FAM124A: variants seen among roughly 807,000 people sequenced by gnomAD.
FAM124A encodes protein FAM124A.
In FAM124A, 23 loss-of-function variants were observed where a neutral mutation model predicts 24.5. That is an observed-to-expected ratio of 0.94 (90% CI 0.68 to 1.33). The LOEUF is 1.33. FAM124A is among the 40% of genes most tolerant of loss of function. FAM124A has a pLI of 0.00. For synonymous variants in FAM124A, 287 were observed against 314.7 expected, an observed-to-expected ratio of 0.91 and a Z score of 0.93; for missense variants, 623 against 722.8, an observed-to-expected ratio of 0.86 and a Z score of 1.58.
intron 1 of FAM124A, 143 bp downstream of exon 1, chr13:51,222,712 T>A: frequency 1.2e-6 from 1 of 848,212 alleles, no homozygotes; most frequent in Non-Finnish European, 1.5e-6. Context: ...CGCTCTCTCC[T>A]GGGCGGGCCG....
chr13:51,270,158 C>G (rs9634837), intron 3 of FAM124A, among the ~76,000 whole-genome samples: 3,496 of 152,278 alleles, frequency 0.023, 135 homozygotes, highest in East Asian at 0.17. Flanking sequence ...ACCCCAGACC[C>G]AGATCATCCT....
At chr13:51,222,711 C>A (rs2137635553) in intron 1 of FAM124A, 142 bp downstream of exon 1, 2 of 861,254 alleles carry the variant, frequency 2.3e-6, no homozygotes, top group Non-Finnish European at 3.0e-6. Flanking sequence ...CCGCTCTCTC[C>A]TGGGCGGGCC....
chr13:51,222,509 C>A lies in FAM124A; in HGVS notation c.8C>A (p.Pro3Gln), dbSNP rs1334581765. 2 of 1,225,800 alleles carry A rather than the reference C, an allele frequency of 1.6e-6. No homozygotes were observed. Among genetic ancestry groups the A allele is most frequent in the Non-Finnish European group, 2.0e-6 (2 of 985,628 alleles). The allele number at this position is 1,225,800 out of a possible 1,614,324, so 75.9% of individuals were successfully genotyped here. The part of the protein sequence containing the change: MD[P>Q]KAGGGGEEDD... ...GCGGCCGGGACGTGCACCATGGACC[C>A]AAAGGCGGGCGGCGGCGGCGAGGAG... The change falls in exon 1 of 4, where the codon CCA becomes CAA. Residue 3 changes from proline to glutamine, a missense_variant. By Grantham distance (76) the Pro-to-Gln change is moderately conservative. Transcript: ENST00000322475.
intron 2 of FAM124A, among the ~76,000 whole-genome samples, chr13:51,246,327 A>C (rs1364910666): frequency 7.1e-6 from 1 of 141,838 alleles, no homozygotes; most frequent in Non-Finnish European, 1.5e-5. Context: ...GTGGCAATTA[A>C]TTATTCACAT....
chr13:51,240,479 A>G (rs1954479169), intron 2 of FAM124A, among the ~76,000 whole-genome samples: 1 of 152,218 alleles, frequency 6.6e-6, no homozygotes, highest in Non-Finnish European at 1.5e-5. Context: ...TTTGTCAATT[A>G]TGGAGATAAT....
intron 3 of FAM124A, 131 bp downstream of exon 3, chr13:51,252,332 T>G: frequency 5.4e-6 from 7 of 1,304,718 alleles, no homozygotes; most frequent in Non-Finnish European, 7.2e-6. Context: ...GCCCAGCTCC[T>G]AGTCGAAGTC....
intron 2 of FAM124A, among the ~76,000 whole-genome samples, chr13:51,246,968 C>T (rs1187920333): frequency 1.3e-5 from 2 of 152,220 alleles, no homozygotes; most frequent in Non-Finnish European, 2.9e-5. Context: ...CTTGTGCACC[C>T]ACCTGTGGTG....
chr13:51,243,673 A>G (rs1954525786), intron 2 of FAM124A, among the ~76,000 whole-genome samples: 1 of 152,144 alleles, frequency 6.6e-6, no homozygotes, highest in Non-Finnish European at 1.5e-5. Context: ...ATCTGGGACT[A>G]CAGGCGCCCG....
chr13:51,254,678 C>A (rs2137683181), intron 3 of FAM124A, among the ~76,000 whole-genome samples: 1 of 152,170 alleles, frequency 6.6e-6, no homozygotes, highest in East Asian at 1.9e-4. Flanking sequence ...CCTGGTGACC[C>A]CTGGAAGAAT....
In FAM124A at chr13:51,243,504, T is replaced by G. The variant is rs558554572; in HGVS notation, c.101-7964T>G. 2.0e-5 allele frequency among the ~76,000 whole-genome samples: 3 copies of G among 152,264 alleles called. No individual in the cohort carries two copies. In the South Asian group the frequency reaches 6.2e-4, roughly 32 times the overall value. On this transcript the variant is annotated intron_variant, in intron 2 of 3. Transcript: ENST00000322475. Reference sequence around the variant, plus strand: ...CGTCACCCAGAGCCTTTTTCCCTCCTGCTTTCAGACCTGGTTGTTGGTTTT... The same window carrying G: ...CGTCACCCAGAGCCTTTTTCCCTCCGGCTTTCAGACCTGGTTGTTGGTTTT...
At chr13:51,252,267 ACTATAGTAC>A in intron 3 of FAM124A, 66 bp downstream of exon 3, 1 of 1,549,854 alleles carries the variant, frequency 6.5e-7, no homozygotes, top group African/African-American at 1.4e-5. Context: ...TGCCTCAAAC[ACTATAGTAC>A]CAGTCACAGA....
chr13:51,231,454 G>T, intron 2 of FAM124A, 75 bp downstream of exon 2: 1 of 1,468,758 alleles, frequency 6.8e-7, no homozygotes, highest in South Asian at 1.3e-5. Flanking sequence ...GGCCATGTGT[G>T]TACATGGTTT....
Position 51,280,771 on chromosome 13 carries a change from G to C in FAM124A, c.1156G>C (p.Gly386Arg). 6.2e-7 allele frequency: 1 copy of C among 1,614,222 alleles called. No individual in the cohort carries two copies. The highest frequency in any genetic ancestry group is 8.5e-7 in the Non-Finnish European group (1 of 1,180,038). Reference sequence around the variant, plus strand: ...TGAACCACAGTGGTTTTCAAACACAGGTGCCCCAGGGCACAGGGCATCAGA... The same window carrying C: ...TGAACCACAGTGGTTTTCAAACACACGTGCCCCAGGGCACAGGGCATCAGA... ...SAEPQWFSNTGAPGHRASEWR... is the reference protein window; with the variant it reads ...SAEPQWFSNTRAPGHRASEWR... Residue 386 changes from glycine to arginine, a missense_variant, in exon 4 of 4, where the codon GGT (glycine) becomes CGT (arginine). By Grantham distance (125) the Gly-to-Arg change is moderately radical (BLOSUM62 -2). Transcript: ENST00000322475.
chr13:51,259,149 G>A (rs1954705925), intron 3 of FAM124A, among the ~76,000 whole-genome samples: 1 of 152,110 alleles, frequency 6.6e-6, no homozygotes, highest in Non-Finnish European at 1.5e-5. Flanking sequence ...TCTACCTCAG[G>A]ACGCTTGCAG....
intron 3 of FAM124A, among the ~76,000 whole-genome samples, chr13:51,256,374 A>T (rs181247821): frequency 6.6e-6 from 1 of 152,230 alleles, no homozygotes; most frequent in Admixed American, 6.5e-5. Context: ...GAAGGTAGAA[A>T]GAGAAAAGAG....
chr13:51,239,084 G>A (rs1410071109), intron 2 of FAM124A, among the ~76,000 whole-genome samples: 3 of 152,156 alleles, frequency 2.0e-5, no homozygotes, highest in Non-Finnish European at 4.4e-5. Flanking sequence ...AAAAGCTGAA[G>A]TGGTACTTCA....
intron 3 of FAM124A, among the ~76,000 whole-genome samples, chr13:51,273,371 C>A (rs1025579247): frequency 1.3e-5 from 2 of 152,140 alleles, no homozygotes; most frequent in Admixed American, 6.5e-5. Flanking sequence ...TTGTGCTGAG[C>A]TAGAGAAAAC....
In FAM124A at chr13:51,281,282, C is replaced by T. The variant is rs1251192951; in HGVS notation, c.*26C>T. ...ATGCCCTCTGCTCTTGTTCTCGAAA[C>T]ACACAAACTCAGAGACACAGACTCA... On this transcript the variant is annotated 3_prime_UTR_variant, in exon 4 of 4. Transcript: ENST00000322475. 2 of 1,526,480 alleles carry T rather than the reference C, an allele frequency of 1.3e-6. No individual in the cohort carries two copies. Among genetic ancestry groups the T allele is most frequent in the Non-Finnish European group, 1.8e-6 (2 of 1,141,618 alleles). The allele number at this position is 1,526,480 out of a possible 1,614,324, so 94.6% of individuals were successfully genotyped here.
chr13:51,252,344 A>G, intron 3 of FAM124A, 143 bp downstream of exon 3: 1 of 1,181,252 alleles, frequency 8.5e-7, no homozygotes, highest in South Asian at 1.6e-5. Context: ...GTCGAAGTCA[A>G]AGTGGCCATA....
Sources: gnomAD v4.1 joint callset for allele counts (sites outside exome capture counted in the v4.1 genomes callset) on GRCh38, gnomAD v4.1.1 for gene constraint, MANE v1.5 for transcripts, NCBI Gene and HGNC (gene_info 2026-07-23, HGNC 2026-07-21) for gene names.